Variants in PPARGC1A observed in about 807,000 individuals in gnomAD.
PPARGC1A encodes the protein peroxisome proliferator-activated receptor gamma coactivator 1-alpha.
Under a neutral mutation model 88.7 loss-of-function variants are expected in PPARGC1A, and 25 were observed. The ratio of observed to expected loss-of-function variants is 0.28; its 90% confidence interval spans 0.21 to 0.39. The LOEUF is 0.39. PPARGC1A is among the 10% of genes least tolerant of loss of function. The pLI, the probability that PPARGC1A is intolerant of heterozygous loss-of-function variation, is 1.00. For synonymous variants in PPARGC1A, 363 were observed against 355.6 expected (o/e 1.02, Z -0.24); for missense variants, 880 against 968.7 (o/e 0.91, Z 1.22).
At chr4:23,922,420 C>T in the PPARGC1A span, among the ~76,000 whole-genome samples, 1 of 152,154 alleles carries the variant, frequency 6.6e-6, no homozygotes, top group Non-Finnish European at 1.5e-5. Context: ...CCTTTCTTTC[C>T]CCCAGAAATG....
intron 7 of PPARGC1A, among the ~76,000 whole-genome samples, chr4:23,822,211 C>T (rs1328103100): frequency 6.6e-6 from 1 of 152,010 alleles, no homozygotes. Flanking sequence ...TTTCACAGTC[C>T]TTGCCAAATT....
chr4:23,834,093 A>G (rs1412558127), intron 2 of PPARGC1A, among the ~76,000 whole-genome samples: 1 of 152,084 alleles, frequency 6.6e-6, no homozygotes, highest in African/African-American at 2.4e-5. Context: ...TGGTCAGGAG[A>G]TCAAGACCAT....
the PPARGC1A span, among the ~76,000 whole-genome samples, chr4:24,100,787 G>A: frequency 3.3e-5 from 5 of 152,156 alleles, no homozygotes; most frequent in African/African-American, 7.2e-5. Context: ...GGCCGCTTGC[G>A]AGTAACATGG....
At chr4:23,874,110 A>C (rs2148787280) in intron 2 of PPARGC1A, among the ~76,000 whole-genome samples, 1 of 152,380 alleles carries the variant, frequency 6.6e-6, no homozygotes. Context: ...ATCGCAAGCC[A>C]GAATATGACT....
At chr4:24,449,508 A>G in the PPARGC1A span, among the ~76,000 whole-genome samples, 1 of 152,214 alleles carries the variant, frequency 6.6e-6, no homozygotes, top group Non-Finnish European at 1.5e-5. Flanking sequence ...CTCTACCTGC[A>G]AGATTATAAA....
the PPARGC1A span, among the ~76,000 whole-genome samples, chr4:24,129,599 G>A: frequency 1.3e-5 from 2 of 152,268 alleles, no homozygotes; most frequent in African/African-American, 4.8e-5. Context: ...ATTCCTCAGG[G>A]ATCTAGAACT....
chr4:24,004,156 G>T, the PPARGC1A span, among the ~76,000 whole-genome samples: 4 of 152,142 alleles, frequency 2.6e-5, no homozygotes, highest in Non-Finnish European at 4.4e-5. Flanking sequence ...CATCTGTGTT[G>T]CTATAGCAGA....
chr4:24,431,143 G>A, the PPARGC1A span, among the ~76,000 whole-genome samples: 3 of 126,376 alleles, frequency 2.4e-5, no homozygotes, highest in African/African-American at 8.7e-5. Flanking sequence ...AAAAAAAAAA[G>A]AGAAAAAAAA....
chr4:23,966,145 G>A, the PPARGC1A span, among the ~76,000 whole-genome samples: 27 of 152,264 alleles, frequency 1.8e-4, no homozygotes, highest in East Asian at 4.4e-3. Flanking sequence ...AAAGGAAAGT[G>A]GGCACACACT....
At chr4:24,237,502 A>G in the PPARGC1A span, among the ~76,000 whole-genome samples, 1 of 152,188 alleles carries the variant, frequency 6.6e-6, no homozygotes, top group Non-Finnish European at 1.5e-5. Context: ...GTTGATATAT[A>G]GATATGAGTT....
At chr4:24,176,100 C>T in the PPARGC1A span, among the ~76,000 whole-genome samples, 1 of 152,186 alleles carries the variant, frequency 6.6e-6, no homozygotes, top group African/African-American at 2.4e-5. Flanking sequence ...CTTCTCAGAG[C>T]TTTTAGACCA....
the PPARGC1A span, among the ~76,000 whole-genome samples, chr4:24,138,513 CTGTT>C: frequency 6.6e-6 from 1 of 152,328 alleles, no homozygotes; most frequent in South Asian, 2.1e-4. Flanking sequence ...TCCTTGAGGG[CTGTT>C]TGTTTTGGGG....
upstream of PPARGC1A, among the ~76,000 whole-genome samples, chr4:23,899,733 T>G (rs1343133250): frequency 6.6e-6 from 1 of 152,162 alleles, no homozygotes; most frequent in Non-Finnish European, 1.5e-5. Context: ...CCTAGGCGGC[T>G]GCAAATCAGG....
chr4:23,810,965 C>T (rs926053891), intron 10 of PPARGC1A, among the ~76,000 whole-genome samples: 1 of 152,130 alleles, frequency 6.6e-6, no homozygotes, highest in Non-Finnish European at 1.5e-5. Flanking sequence ...CATTAGTCTT[C>T]GTAAGTGTTA....
the PPARGC1A span, among the ~76,000 whole-genome samples, chr4:24,371,733 G>C: frequency 1.3e-5 from 2 of 150,712 alleles, no homozygotes; most frequent in South Asian, 2.1e-4. Flanking sequence ...CTGAGGTCAG[G>C]AGTTCAAGAC....
At chr4:24,123,910 C>CAAAAA in the PPARGC1A span, among the ~76,000 whole-genome samples, 1,480 of 123,192 alleles carry the variant, frequency 0.012, 33 homozygotes, top group Non-Finnish European at 0.018. Flanking sequence ...TCTAAGTTGG[C>CAAAAA]AAAAAAAAAA....
At chr4:24,260,350 C>T in the PPARGC1A span, among the ~76,000 whole-genome samples, 1 of 152,338 alleles carries the variant, frequency 6.6e-6, no homozygotes, top group African/African-American at 2.4e-5. Flanking sequence ...AAAGATGCCA[C>T]ATCAGCTGTT....
chr4:24,468,296 A>T, the PPARGC1A span, among the ~76,000 whole-genome samples: 1 of 152,358 alleles, frequency 6.6e-6, no homozygotes, highest in South Asian at 2.1e-4. Context: ...TGCCATCCCT[A>T]GGCGTGAAAC....
At chr4:24,137,063 G>A in the PPARGC1A span, among the ~76,000 whole-genome samples, 5 of 149,406 alleles carry the variant, frequency 3.3e-5, no homozygotes, top group East Asian at 2.0e-4. Flanking sequence ...GCAGTGAGCC[G>A]AGATGGCACC....
Sources: allele counts gnomAD v4.1 joint callset (sites outside exome capture counted in the v4.1 genomes callset), GRCh38; gene constraint gnomAD v4.1.1; transcripts MANE v1.5; gene names NCBI Gene and HGNC (gene_info 2026-07-23, HGNC 2026-07-21).